The following NYAP2 variants were observed in gnomAD, a reference collection of about 807,000 sequenced individuals.
NYAP2 encodes neuronal tyrosine-phosphorylated phosphoinositide-3-kinase adaptor 2, also known as neuronal tyrosine-phosphorylated phosphoinositide-3-kinase adapter 2.
In NYAP2, 23 loss-of-function variants were observed where a neutral mutation model predicts 50.4. The ratio of observed to expected loss-of-function variants is 0.46; its 90% CI spans 0.33 to 0.65. The LOEUF (loss-of-function observed/expected upper bound fraction) is 0.65, where lower values mean the gene tolerates loss of function less well. Among genes scored for constraint, NYAP2 ranks in the 30% least tolerant of loss-of-function variants. The pLI is 0.02. For synonymous variants in NYAP2, 394 were observed against 365.2 expected (o/e 1.08, Z -0.90); for missense variants, 885 against 861.0 (o/e 1.03, Z -0.35).
intron 6 of NYAP2, among the ~76,000 whole-genome samples, chr2:225,649,499 T>A (rs1249412771): frequency 6.6e-6 from 1 of 152,200 alleles, no homozygotes; most frequent in Non-Finnish European, 1.5e-5. Context: ...TACGTCTTCC[T>A]TCTAACATAT....
chr2:225,434,897 T>G (rs147721937), intron 3 of NYAP2, among the ~76,000 whole-genome samples: 3 of 152,342 alleles, frequency 2.0e-5, no homozygotes, highest in East Asian at 3.9e-4. Flanking sequence ...ACATCATATA[T>G]GATTAGACTT....
At chr2:225,444,848 G>T (rs1473532751) in intron 3 of NYAP2, among the ~76,000 whole-genome samples, 4 of 152,124 alleles carry the variant, frequency 2.6e-5, no homozygotes, top group Non-Finnish European at 5.9e-5. Context: ...CATGTTAAAA[G>T]ACAATAACAC....
At chr2:225,591,976 C>T (rs1040459064) in intron 5 of NYAP2, among the ~76,000 whole-genome samples, 1 of 152,126 alleles carries the variant, frequency 6.6e-6, no homozygotes, top group Non-Finnish European at 1.5e-5. Context: ...GAACTCTGTA[C>T]CCCAGGTTTC....
chr2:225,503,652 A>G (rs755348266), intron 3 of NYAP2, among the ~76,000 whole-genome samples: 4 of 152,194 alleles, frequency 2.6e-5, no homozygotes, highest in Non-Finnish European at 5.9e-5. Flanking sequence ...AATGGGCAGC[A>G]ATATTAACCT....
In NYAP2 at chr2:225,536,298, C is replaced by T. The variant is rs142383429; in HGVS notation, c.523+22626C>T. Among the ~76,000 whole-genome samples, 348 of 152,294 alleles carry T rather than the reference C, an allele frequency of 2.3e-3. 2 individuals are homozygous for T. The highest frequency in any genetic ancestry group is 3.8e-3 in the Non-Finnish European group (256 of 68,032). On this transcript the variant is annotated intron_variant, in intron 4 of 6. Coordinates refer to ENST00000636099, the Ensembl canonical transcript of NYAP2. ...GGCAGCACAGTGCTCTCAGCCTATGCCATTCCCTCTTGCCCTGAAAAATTC... is the reference window on the plus strand; with the variant it reads ...GGCAGCACAGTGCTCTCAGCCTATGTCATTCCCTCTTGCCCTGAAAAATTC...
chr2:225,608,623 T>C (rs1338446100), intron 5 of NYAP2, among the ~76,000 whole-genome samples: 1 of 152,088 alleles, frequency 6.6e-6, no homozygotes, highest in Admixed American at 6.6e-5. Context: ...CATCTTTCAA[T>C]TTTTTAAAAA....
At chr2:225,608,349 G>C in intron 5 of NYAP2, among the ~76,000 whole-genome samples, 1 of 152,138 alleles carries the variant, frequency 6.6e-6, no homozygotes, top group East Asian at 1.9e-4. Flanking sequence ...CACTGATAAT[G>C]AGCCTGTGAC....
chr2:225,533,577 T>G (rs1273420665), intron 4 of NYAP2, among the ~76,000 whole-genome samples: 1 of 151,948 alleles, frequency 6.6e-6, no homozygotes. Context: ...TGGTCCCAGG[T>G]ACTTCTGAGG....
exon 6 of NYAP2, chr2:225,626,921 A>G (rs1693219485): frequency 1.3e-6 from 2 of 1,569,482 alleles, no homozygotes; most frequent in Non-Finnish European, 8.6e-7. Flanking sequence ...ACACAGAATC[A>G]ACAGAGGAAC....
At chr2:225,686,045 G>A in the NYAP2 span, among the ~76,000 whole-genome samples, 1 of 152,022 alleles carries the variant, frequency 6.6e-6, no homozygotes, top group South Asian at 2.1e-4. Context: ...CTGTATGTAT[G>A]CTCTGTATAC....
chr2:225,660,653 C>A, the NYAP2 span, among the ~76,000 whole-genome samples: 2 of 152,028 alleles, frequency 1.3e-5, no homozygotes, highest in African/African-American at 4.8e-5. Context: ...CGCCACCTAG[C>A]GTCTGTAGCG....
the NYAP2 span, among the ~76,000 whole-genome samples, chr2:225,664,241 C>A: frequency 2.0e-5 from 3 of 152,250 alleles, no homozygotes; most frequent in South Asian, 6.2e-4. Flanking sequence ...TATATCCAAC[C>A]ATGGAATGCT....
chr2:225,413,265 A>AG (rs1359476753), intron 3 of NYAP2, among the ~76,000 whole-genome samples: 1 of 152,172 alleles, frequency 6.6e-6, no homozygotes, highest in Non-Finnish European at 1.5e-5. Context: ...TGGATAGGTA[A>AG]GGGAGGAAGC....
At chr2:225,672,190 T>A in the NYAP2 span, among the ~76,000 whole-genome samples, 244 of 152,282 alleles carry the variant, frequency 1.6e-3, no homozygotes, top group African/African-American at 5.5e-3. Context: ...GGCATCTTCT[T>A]CCAACAGAAG....
chr2:225,424,204 G>T (rs895659764), intron 3 of NYAP2, among the ~76,000 whole-genome samples: 10 of 152,110 alleles, frequency 6.6e-5, no homozygotes, highest in Non-Finnish European at 1.0e-4. Flanking sequence ...TGTAACAAAT[G>T]TGATAGCAGG....
chr2:225,515,906 C>T (rs900526380), intron 4 of NYAP2, among the ~76,000 whole-genome samples: 2 of 152,000 alleles, frequency 1.3e-5, no homozygotes, highest in African/African-American at 4.8e-5. Flanking sequence ...AATAAAAGAA[C>T]CACCCAAAGA....
At chr2:225,430,715 A>AT (rs71062989) in intron 3 of NYAP2, among the ~76,000 whole-genome samples, 25 of 151,808 alleles carry the variant, frequency 1.6e-4, no homozygotes, top group East Asian at 5.8e-4. Context: ...CTAGAATGCT[A>AT]TTTTTTTTTT....
intron 3 of NYAP2, among the ~76,000 whole-genome samples, chr2:225,445,612 G>C (rs534619124): frequency 6.6e-6 from 1 of 151,964 alleles, no homozygotes; most frequent in East Asian, 1.9e-4. Flanking sequence ...TGTGATTTAT[G>C]TGACCTGTGA....
chr2:225,554,483 G>A (rs900616540), intron 4 of NYAP2, among the ~76,000 whole-genome samples: 1 of 151,780 alleles, frequency 6.6e-6, no homozygotes, highest in African/African-American at 2.4e-5. Context: ...ACCACACATG[G>A]CTAATTTTTT....
Sources: gnomAD v4.1 joint callset for allele counts (sites outside exome capture counted in the v4.1 genomes callset) on GRCh38, gnomAD v4.1.1 for gene constraint, MANE v1.5 for transcripts, NCBI Gene and HGNC (gene_info 2026-07-23, HGNC 2026-07-21) for gene names.